Variants in DNASE1 observed in about 807,000 individuals in gnomAD.
The protein encoded by DNASE1 is deoxyribonuclease 1, also known as deoxyribonuclease-1.
A neutral mutation model predicts 33.9 loss-of-function variants in DNASE1; 40 were observed. The ratio of observed to expected loss-of-function variants is 1.18; its 90% confidence interval spans 0.92 to 1.54. The LOEUF (loss-of-function observed/expected upper bound fraction) is 1.54. DNASE1 is among the 40% of genes most tolerant of loss of function. The probability of loss-of-function intolerance (pLI) is 0.00; values close to 1 mark genes in which losing one functional copy is unlikely to be tolerated. For synonymous variants in DNASE1, 216 were observed against 160.0 expected (o/e 1.35, Z -2.64); for missense variants, 518 against 372.6 (o/e 1.39, Z -3.21).
upstream of DNASE1, chr16:3,651,421 C>T (rs925193174): frequency 6.6e-6 from 1 of 152,226 alleles, no homozygotes; most frequent in African/African-American, 2.4e-5. Flanking sequence ...CCGTTGGCTG[C>T]CAGCACCCAT....
exon 10 of DNASE1, chr16:3,664,190 G>A: frequency 1.4e-6 from 2 of 1,397,080 alleles, no homozygotes; most frequent in Non-Finnish European, 1.9e-6. Flanking sequence ...GTCTTGGGCA[G>A]GTTCACCCAG....
chr16:3,664,478 G>A (rs1183895948), exon 10 of DNASE1: 1 of 1,598,316 alleles, frequency 6.3e-7, no homozygotes. Context: ...GACGGGGCAG[G>A]TCACCACTTA....
chr16:3,658,249 A>C (rs777340650), downstream of DNASE1: 34 of 1,602,198 alleles, frequency 2.1e-5, 1 homozygote, highest in Non-Finnish European at 2.9e-5. Context: ...CAAGAGGAGA[A>C]ACCCATTATG....
rs200722012 is a variant in DNASE1, at chr16:3,655,843, C to T, written c.148-6C>T. On this transcript the variant is annotated splice_polypyrimidine_tract_variant and splice_region_variant and intron_variant, in intron 2 of 8. Transcript: ENST00000246949. ...CTGCTCAGCACCACTGTGGCCCTGC[C>T]CCCAGATCCTGAGCCGCTATGACAT... 6.6e-5 allele frequency: 106 copies of T among 1,613,390 alleles called. No homozygotes were observed. Among genetic ancestry groups the T allele is most frequent in the Non-Finnish European group, 8.8e-5 (104 of 1,179,988 alleles).
At chr16:3,646,982 C>G in intron 1 of DNASE1, among the ~76,000 whole-genome samples, 1 of 152,108 alleles carries the variant, frequency 6.6e-6, no homozygotes, top group Non-Finnish European at 1.5e-5. Flanking sequence ...TTTATGATGC[C>G]TGATGCCCGA....
chr16:3,617,254 A>C (rs2151154987), intron 1 of DNASE1, among the ~76,000 whole-genome samples: 1 of 141,014 alleles, frequency 7.1e-6, no homozygotes, highest in South Asian at 2.4e-4. Context: ...TGAACCCGGG[A>C]GATGGAGGTT....
At chr16:3,626,691 T>C (rs1354249270) in intron 1 of DNASE1, among the ~76,000 whole-genome samples, 2 of 152,204 alleles carry the variant, frequency 1.3e-5, no homozygotes, top group Non-Finnish European at 2.9e-5. Context: ...TGTCTACTGG[T>C]TCTATGTATT....
chr16:3,653,351 A>AACC (rs2042403297), upstream of DNASE1: 1 of 152,184 alleles, frequency 6.6e-6, no homozygotes, highest in Admixed American at 6.5e-5. Flanking sequence ...TATTTTAAGC[A>AACC]ACCAAACTTG....
chr16:3,657,303 T>TGAC lies in DNASE1; in HGVS notation c.667_669dup (p.Asp223dup). 1 of 1,613,882 alleles carries TGAC rather than the reference T, an allele frequency of 6.2e-7. No homozygotes were observed. On this transcript the variant is annotated inframe_insertion, in exon 7 of 9. Transcript: ENST00000246949. The stretch of plus-strand genomic sequence containing the variant: ...TCCAGTGGCTGATCCCCGACAGCGC[T>TGAC]GACACCACAGCTACACCCACGCACT...
intron 1 of DNASE1, among the ~76,000 whole-genome samples, chr16:3,628,499 A>C (rs1488774669): frequency 6.6e-6 from 1 of 152,118 alleles, no homozygotes; most frequent in Non-Finnish European, 1.5e-5. Context: ...ATCTTAGAAG[A>C]AAATTTTTTA....
At chr16:3,621,336 C>G (rs1370681489) in intron 1 of DNASE1, among the ~76,000 whole-genome samples, 1 of 152,190 alleles carries the variant, frequency 6.6e-6, no homozygotes, top group East Asian at 1.9e-4. Flanking sequence ...ATCCTCCTGC[C>G]TCCAAAAGTG....
At chr16:3,647,004 C>T (rs1362605735) in intron 1 of DNASE1, among the ~76,000 whole-genome samples, 1 of 152,140 alleles carries the variant, frequency 6.6e-6, no homozygotes, top group Non-Finnish European at 1.5e-5. Context: ...GCCCATCAGA[C>T]CTGTCTGAGG....
At chr16:3,622,227 A>AC (rs1442559960) in intron 1 of DNASE1, among the ~76,000 whole-genome samples, 3 of 151,982 alleles carry the variant, frequency 2.0e-5, no homozygotes, top group South Asian at 2.1e-4. Flanking sequence ...AAAAAAAAAA[A>AC]AAAAACGGAG....
At chr16:3,630,154 TTTG>T (rs1331670242) in intron 1 of DNASE1, among the ~76,000 whole-genome samples, 15 of 151,764 alleles carry the variant, frequency 9.9e-5, no homozygotes, top group Non-Finnish European at 2.9e-5. Context: ...TGTGTGTGTG[TTTG>T]TTGTTGTTTT....
chr16:3,650,430 A>G (rs1399080905), upstream of DNASE1, among the ~76,000 whole-genome samples: 1 of 152,198 alleles, frequency 6.6e-6, no homozygotes, highest in Non-Finnish European at 1.5e-5. Context: ...ATGATGCAGG[A>G]TATACGCTGA....
At chr16:3,636,387 T>C (rs1365828525) in intron 1 of DNASE1, among the ~76,000 whole-genome samples, 1 of 152,266 alleles carries the variant, frequency 6.6e-6, no homozygotes, top group Non-Finnish European at 1.5e-5. Context: ...AAATCAGAGT[T>C]GTTAGCTGTG....
chr16:3,621,463 C>T (rs1339948687), intron 1 of DNASE1, among the ~76,000 whole-genome samples: 1 of 152,164 alleles, frequency 6.6e-6, no homozygotes, highest in East Asian at 1.9e-4. Context: ...AAAATTCCCT[C>T]CTACTTCTGG....
chr16:3,639,399 C>A (rs2151189310), upstream of DNASE1, among the ~76,000 whole-genome samples: 1 of 152,288 alleles, frequency 6.6e-6, no homozygotes, highest in South Asian at 2.1e-4. Flanking sequence ...AACAGCACCC[C>A]CACACCAACC....
chr16:3,655,838 C>A lies in DNASE1; in HGVS notation c.148-11C>A, dbSNP rs1345607566. 5 of 1,613,128 alleles carry A rather than the reference C, an allele frequency of 3.1e-6. No individual in the cohort carries two copies. In the Admixed American group the frequency reaches 8.3e-5, roughly 27 times the overall value. On this transcript the variant is annotated splice_polypyrimidine_tract_variant and intron_variant, in intron 2 of 8. Transcript: ENST00000246949. Reference sequence around the variant, plus strand: ...CAGCCCTGCTCAGCACCACTGTGGCCCTGCCCCCAGATCCTGAGCCGCTAT... The same window carrying A: ...CAGCCCTGCTCAGCACCACTGTGGCACTGCCCCCAGATCCTGAGCCGCTAT...
Sources: gnomAD v4.1 joint callset for allele counts (sites outside exome capture counted in the v4.1 genomes callset) on GRCh38, gnomAD v4.1.1 for gene constraint, MANE v1.5 for transcripts, NCBI Gene and HGNC (gene_info 2026-07-23, HGNC 2026-07-21) for gene names.